The following WDR90 variants were observed in gnomAD, a reference collection of about 807,000 sequenced individuals.
WDR90 encodes WD repeat-containing protein 90.
WDR90 carries 238 observed loss-of-function variants against 195.2 expected under a neutral mutation model. The ratio of observed to expected loss-of-function variants is 1.22; its 90% CI spans 1.10 to 1.36. The LOEUF (loss-of-function observed/expected upper bound fraction) is 1.36. Ranked by LOEUF, WDR90 falls within the 40% of genes most tolerant of loss-of-function variation. WDR90 has a pLI of 0.00. For synonymous variants in WDR90, 1,265 were observed against 1,052.4 expected (o/e 1.20, Z -3.91); for missense variants, 2,734 against 2,439.5 (o/e 1.12, Z -2.54).
chr16:656,836 C>T lies in WDR90; in HGVS notation c.2307C>T (p.Phe769=). ...TTAGCAGTGGGGCCGTGCGCTCCTT[C>T]AGCCTGGAGGCCGCTGAGGTCCTGG... ...CGFSSGAVRS[F]SLEAAEVLVE... The change falls in exon 19 of 41, where the codon TTC becomes TTT. Residue 769 remains phenylalanine (F), a synonymous_variant. Coordinates refer to ENST00000293879, the MANE Select transcript of WDR90 (RefSeq NM_145294.5). 2 of 1,613,004 alleles carry T rather than the reference C, an allele frequency of 1.2e-6. No homozygotes were observed. Among genetic ancestry groups the T allele is most frequent in the Non-Finnish European group, 1.7e-6 (2 of 1,179,964 alleles).
At chr16:656,204 C>G in intron 17 of WDR90, 98 bp from the exon 18 acceptor site, 1 of 1,137,118 alleles carries the variant, frequency 8.8e-7, no homozygotes, top group Non-Finnish European at 1.3e-6. Context: ...CTTTGAGCAG[C>G]AGGGAGTGCA....
At chr16:662,888 G>A (rs762887529) in intron 34 of WDR90, 44 bp downstream of exon 34, 2 of 1,536,004 alleles carry the variant, frequency 1.3e-6, no homozygotes, top group Admixed American at 2.0e-5. Context: ...AGCCGAACCT[G>A]GTGCCCTCCC....
rs1270902841 is a variant in WDR90 at position 662,079 on chromosome 16, C to T, written c.4033+20C>T. 1 of 1,595,234 alleles carries T rather than the reference C, an allele frequency of 6.3e-7. No homozygotes were observed. On this transcript the variant is annotated intron_variant, in intron 32 of 40. Transcript: ENST00000293879. ...GCATTGGTGAGTGCCCCGCAGAAGC[C>T]CTGTGGCCCTCAGGACCCCTACCTG...
chr16:665,823 C>T lies in WDR90; in HGVS notation c.4434+22C>T, dbSNP rs757144581. On this transcript the variant is annotated intron_variant, in intron 35 of 40. Transcript: ENST00000293879. The stretch of plus-strand genomic sequence containing the variant: ...CCAGGTGTGTGGGGAGTGCCCGGGC[C>T]GGGGGCGGGATGGGGGCCTGCTCAG... The T allele has an allele frequency of 3.1e-5, 43 of 1,389,956 alleles. No individual in the cohort carries two copies. In the South Asian group the frequency reaches 4.6e-4, roughly 15 times the overall value. 86.1% of individuals were successfully genotyped at this position (1,389,956 alleles called of 1,614,324 possible).
At chr16:663,229 G>A in intron 34 of WDR90, 3 of 359,592 alleles carry the variant, frequency 8.3e-6, no homozygotes, top group South Asian at 6.3e-5. Context: ...CCTGAGGTCA[G>A]GAGTTCGAGA....
At chr16:655,924 G>A in intron 17 of WDR90, 35 bp downstream of exon 17, 1 of 1,558,732 alleles carries the variant, frequency 6.4e-7, no homozygotes, top group Non-Finnish European at 8.6e-7. Context: ...AACTCCGGGA[G>A]AGCCTCGCCT....
intron 9 of WDR90, 68 bp from the exon 10 acceptor site, chr16:652,399 G>A (rs537147822): frequency 2.7e-5 from 41 of 1,528,018 alleles, no homozygotes; most frequent in Admixed American, 2.5e-4. Context: ...GGCGGGGCTC[G>A]GAGTTGGTCG....
intron 23 of WDR90, 92 bp downstream of exon 23, chr16:658,745 A>C: frequency 6.4e-7 from 1 of 1,560,192 alleles, no homozygotes; most frequent in Non-Finnish European, 8.7e-7. Context: ...GGGCAGGGAG[A>C]GCAGAAGGTG....
In WDR90 at chr16:655,420, C is replaced by T. The variant is rs369841063; in HGVS notation, c.1670C>T (p.Ala557Val). ...CACGCGCTGCAGTTCACCGACCTGG[C>T]CTTCAAGCAGGCCCGGGACGGCTGC... The part of the protein sequence containing the change: ...EHHALQFTDL[A>V]FKQARDGCPE... Residue 557 changes from alanine to valine, a missense_variant, in exon 15 of 41, where the codon GCC becomes GTC. Physicochemically the swap from Ala to Val is moderately conservative, Grantham distance 64 (BLOSUM62 0). Coordinates refer to ENST00000293879, the MANE Select transcript of WDR90 (RefSeq NM_145294.5). 17 of 1,584,656 alleles carry T rather than the reference C, an allele frequency of 1.1e-5. No homozygotes were observed. In the African/African-American group the frequency reaches 2.1e-4, roughly 20 times the overall value.
chr16:655,239 G>A lies in WDR90; in HGVS notation c.1557-68G>A, dbSNP rs554982977. The stretch of plus-strand genomic sequence containing the variant: ...GCACCTCCCCCTGGCTTGGCTGTGC[G>A]TCTCTGCGTCTCCCGGTGGGTCAGG... On this transcript the variant is annotated intron_variant, in intron 14 of 40. Transcript: ENST00000293879. 1.3e-4 allele frequency: 215 copies of A among 1,611,874 alleles called. No individual in the cohort carries two copies. In the African/African-American group the frequency reaches 2.4e-3, roughly 18 times the overall value.
At position 651,654 on chromosome 16, in the gene WDR90, G is replaced by A. The variant is rs369032957; in HGVS notation, c.747G>A (p.Gly249=). ...SCSPPEAVLL[G]PGPQPLPCPV... The stretch of plus-strand genomic sequence containing the variant: ...TTTGCTCTGTTCTAGTCCTCCTGGG[G>A]CCGGGGCCACAGCCTCTCCCTTGCC... The change falls in exon 8 of 41, where the codon GGG becomes GGA. Residue 249 remains glycine, a synonymous_variant. Coordinates refer to ENST00000293879, the MANE Select transcript of WDR90 (RefSeq NM_145294.5). 7 of 1,612,426 alleles carry A rather than the reference G, an allele frequency of 4.3e-6. No homozygotes were observed. Among genetic ancestry groups the A allele is most frequent in the South Asian group, 2.2e-5 (2 of 91,086 alleles).
Position 667,466 on chromosome 16 carries a change from G to C in WDR90, c.5124G>C (p.Gly1708=). The C allele has an allele frequency of 6.2e-7, 1 of 1,607,848 alleles. No individual in the cohort carries two copies. Among genetic ancestry groups the C allele is most frequent in the Non-Finnish European group, 8.5e-7 (1 of 1,176,006 alleles). ...TGAGGCTGGTAGACTGTGCCATGGG[G>C]ACTGCCCAAGACTTTGCCGGCCACG... ...CMLRLVDCAM[G]TAQDFAGHDN... The change falls in exon 41 of 41, where the codon GGG becomes GGC. Residue 1708 remains glycine (G), a synonymous_variant. Transcript: ENST00000293879.
chr16:666,919 A>G lies in WDR90; in HGVS notation c.5019A>G (p.Ile1673Met). Residue 1673 changes from isoleucine to methionine, a missense_variant, in exon 40 of 41, where the codon ATA becomes ATG. Physicochemically the swap from Ile to Met is conservative, Grantham distance 10. Transcript: ENST00000293879. The stretch of plus-strand genomic sequence containing the variant: ...GCTGCTCACAGGTGGTGGAGAAGAT[A>G]CCACTGCCCTTTTTTGCCATGTCCC... ...NLCQKQVVEK[I>M]PLPFFAMSLS... The G allele has an allele frequency of 1.2e-6, 2 of 1,613,092 alleles. No individual in the cohort carries two copies. The highest frequency in any genetic ancestry group is 1.1e-5 in the South Asian group (1 of 91,060).
intron 26 of WDR90, 136 bp from the exon 27 acceptor site, chr16:659,922 G>A: frequency 1.3e-5 from 9 of 685,796 alleles, no homozygotes; most frequent in Non-Finnish European, 2.1e-5. Flanking sequence ...CTGCGTCTGT[G>A]GCTCCGGCCT....
In WDR90 at chr16:656,879, C is replaced by T. The variant is rs777559130; in HGVS notation, c.2342+8C>T. On this transcript the variant is annotated splice_region_variant and intron_variant, in intron 19 of 40. Coordinates refer to ENST00000293879, the MANE Select transcript of WDR90 (RefSeq NM_145294.5). ...GGTCCTGGTGGAACACACGTAAGTG[C>T]CCAGCTGGCCACCAGCCCCACGGAG... 11 of 1,611,108 alleles carry T rather than the reference C, an allele frequency of 6.8e-6. No individual in the cohort carries two copies. The highest frequency in any genetic ancestry group is 8.5e-6 in the Non-Finnish European group (10 of 1,179,008).
chr16:665,871 G>A, intron 35 of WDR90, 70 bp downstream of exon 35: 1 of 1,552,320 alleles, frequency 6.4e-7, no homozygotes, highest in Non-Finnish European at 8.7e-7. Context: ...CATGGGCGGG[G>A]CCGCCTCCTC....
At chr16:657,042 T>C in intron 19 of WDR90, 49 bp from the exon 20 acceptor site, 1 of 1,587,100 alleles carries the variant, frequency 6.3e-7, no homozygotes, top group Non-Finnish European at 8.5e-7. Flanking sequence ...GAACCCATGG[T>C]ACCTGGGCTT....
chr16:667,091 C>T (rs779639517), intron 40 of WDR90, 102 bp downstream of exon 40: 105 of 1,264,072 alleles, frequency 8.3e-5, no homozygotes, highest in African/African-American at 4.1e-4. Context: ...GCCCCGGGCT[C>T]CTCGTCTCTG....
rs1199314690 is a variant in WDR90 at position 658,249 on chromosome 16, T to C, written c.2671T>C (p.Cys891Arg). 2 of 1,612,632 alleles carry C rather than the reference T, an allele frequency of 1.2e-6. No homozygotes were observed. The highest frequency in any genetic ancestry group is 1.7e-5 in the Admixed American group (1 of 60,024). Reference protein sequence around the residue: ...SSRLDSAMAVCFGPAALGHLL... With the variant: ...SSRLDSAMAVRFGPAALGHLL... ...CCGCCTGGACTCAGCCATGGCTGTG[T>C]GCTTTGGCCCTGCAGCTCTGGGCCA... The change falls in exon 22 of 41, where the codon TGC becomes CGC. Residue 891 changes from cysteine to arginine, a missense_variant. Coordinates refer to ENST00000293879, the MANE Select transcript of WDR90 (RefSeq NM_145294.5).
Sources: allele counts gnomAD v4.1 joint callset, GRCh38; gene constraint gnomAD v4.1.1; transcripts MANE v1.5; gene names NCBI Gene and HGNC (gene_info 2026-07-23, HGNC 2026-07-21).